The following LRP1B variants were observed in gnomAD, a reference collection of about 807,000 sequenced individuals.
LRP1B encodes low-density lipoprotein receptor-related protein 1B.
Under a neutral mutation model 556.6 loss-of-function variants are expected in LRP1B, and 217 were observed. The observed-to-expected ratio is 0.39, with a 90% CI of 0.35 to 0.44. The LOEUF (loss-of-function observed/expected upper bound fraction) is 0.44, where lower values mean the gene tolerates loss of function less well. Among genes scored for constraint, LRP1B ranks in the 20% least tolerant of loss-of-function variants. LRP1B has a pLI of 1.00. For missense variants in LRP1B, 5,053 were observed against 5,620.8 expected (o/e 0.90, Z 3.23); for synonymous variants, 2,047 against 1,865.8 (o/e 1.10, Z -2.50).
chr2:142,029,048 CTCA>C (rs1703601297), intron 1 of LRP1B, among the ~76,000 whole-genome samples: 1 of 151,828 alleles, frequency 6.6e-6, no homozygotes, highest in Admixed American at 6.6e-5. Flanking sequence ...CATTCCCTTA[CTCA>C]TCATTCTCAT....
At position 140,466,082 on chromosome 2, in the gene LRP1B, G is replaced by A. The variant is rs1327659927; in HGVS notation, c.9626-8431C>T. Among the ~76,000 whole-genome samples, 5 of 150,604 alleles carry A rather than the reference G, an allele frequency of 3.3e-5. 1 individual carries two copies. The highest frequency in any genetic ancestry group is 9.7e-5 in the African/African-American group (4 of 41,138). ...AGAATATTATAAAATAGTGCAGGTC[G>A]GGGGGTGGGAAGTATTATTTCAATT... On this transcript the variant is annotated intron_variant, in intron 60 of 90. Coordinates refer to ENST00000389484, the MANE Select transcript of LRP1B (RefSeq NM_018557.3).
chr2:141,679,778 A>G (rs1307460960), intron 2 of LRP1B, among the ~76,000 whole-genome samples: 1 of 152,110 alleles, frequency 6.6e-6, no homozygotes, highest in African/African-American at 2.4e-5. Context: ...ATCTGCATGT[A>G]TTAACATAAA....
intron 22 of LRP1B, 60 bp downstream of exon 22, chr2:140,907,817 C>A: frequency 7.1e-7 from 1 of 1,410,472 alleles, no homozygotes; most frequent in Middle Eastern, 1.8e-4. Flanking sequence ...TAAGTAACAG[C>A]AACTGAACTA....
chr2:141,659,218 C>A (rs372202718), intron 2 of LRP1B, among the ~76,000 whole-genome samples: 1 of 152,056 alleles, frequency 6.6e-6, no homozygotes. Context: ...ACTATTTATG[C>A]GAGAGCAGGC....
intron 1 of LRP1B, among the ~76,000 whole-genome samples, chr2:142,089,482 A>G (rs1706078244): frequency 6.6e-6 from 1 of 152,208 alleles, no homozygotes; most frequent in African/African-American, 2.4e-5. Context: ...AAAAATTAGC[A>G]TGTGGGAATA....
intron 7 of LRP1B, among the ~76,000 whole-genome samples, chr2:141,183,737 TC>T (rs1170088529): frequency 1.3e-5 from 2 of 152,026 alleles, no homozygotes; most frequent in Admixed American, 6.6e-5. Flanking sequence ...ACATAGGAGA[TC>T]TTCCCCCTCC....
intron 2 of LRP1B, among the ~76,000 whole-genome samples, chr2:141,635,016 A>AC (rs1009101446): frequency 6.8e-5 from 10 of 147,552 alleles, no homozygotes; most frequent in Non-Finnish European, 1.2e-4. Context: ...TTTGGATTTG[A>AC]CCGCATAACA....
At chr2:140,273,633 C>A (rs1010308264) in intron 85 of LRP1B, among the ~76,000 whole-genome samples, 1 of 151,982 alleles carries the variant, frequency 6.6e-6, no homozygotes, top group Non-Finnish European at 1.5e-5. Context: ...TTATGGCATG[C>A]TTTCCTGTCT....
At chr2:140,532,672 G>C (rs537446613) in intron 47 of LRP1B, among the ~76,000 whole-genome samples, 1 of 152,086 alleles carries the variant, frequency 6.6e-6, no homozygotes, top group South Asian at 2.1e-4. Flanking sequence ...TGGGATTACA[G>C]GCATGAGCCA....
chr2:141,535,762 C>A (rs898891138), intron 2 of LRP1B, among the ~76,000 whole-genome samples: 6 of 152,018 alleles, frequency 3.9e-5, no homozygotes, highest in African/African-American at 1.4e-4. Context: ...TCATGATGGT[C>A]CCATGGCCTA....
intron 7 of LRP1B, among the ~76,000 whole-genome samples, chr2:141,125,855 A>AAAAAC (rs1553463702): frequency 2.7e-5 from 4 of 149,752 alleles, no homozygotes; most frequent in South Asian, 2.1e-4. Flanking sequence ...AAAAAAAAAA[A>AAAAAC]AAAAAACAAA....
chr2:141,229,229 T>G lies in LRP1B; in HGVS notation c.804A>C (p.Gly268=). 6.2e-7 allele frequency: 1 copy of G among 1,613,304 alleles called. No individual in the cohort carries two copies. Among genetic ancestry groups the G allele is most frequent in the South Asian group, 1.1e-5 (1 of 91,024 alleles). ...QLKCIQITKA[G]GLTDEWTINI... is the part of the protein sequence containing the mutation. ...TGATTGTCCATTCATCTGTTAATCC[T>G]CCTGCTTTTGTTATCTGGATACATT... Residue 268 remains glycine (G), a synonymous_variant, in exon 6 of 91, where the codon GGA becomes GGC. Transcript: ENST00000389484.
At chr2:141,833,429 G>C (rs1294176867) in intron 1 of LRP1B, among the ~76,000 whole-genome samples, 1 of 151,822 alleles carries the variant, frequency 6.6e-6, no homozygotes, top group East Asian at 1.9e-4. Flanking sequence ...TGTACTTGGG[G>C]CTCATGAGGA....
At chr2:141,983,340 T>C (rs995089748) in intron 1 of LRP1B, among the ~76,000 whole-genome samples, 3 of 152,208 alleles carry the variant, frequency 2.0e-5, no homozygotes, top group Non-Finnish European at 4.4e-5. Flanking sequence ...GTCGTTACTA[T>C]TTTTAATCCC....
chr2:140,888,160 C>T (rs539229483), intron 23 of LRP1B, among the ~76,000 whole-genome samples: 2 of 152,098 alleles, frequency 1.3e-5, no homozygotes, highest in Non-Finnish European at 2.9e-5. Flanking sequence ...ATTTTTTACT[C>T]ATTTAGAGTC....
chr2:141,615,526 C>T (rs1443325354), intron 2 of LRP1B, among the ~76,000 whole-genome samples: 1 of 151,456 alleles, frequency 6.6e-6, no homozygotes, highest in South Asian at 2.1e-4. Context: ...AATTTTTATG[C>T]CTAAATTTTC....
At chr2:140,372,473 T>G (rs1683039419) in intron 69 of LRP1B, among the ~76,000 whole-genome samples, 1 of 152,066 alleles carries the variant, frequency 6.6e-6, no homozygotes, top group Admixed American at 6.6e-5. Flanking sequence ...AATTAAAAAA[T>G]GAAGTGTTTT....
chr2:142,048,664 G>A (rs922205454), intron 1 of LRP1B, among the ~76,000 whole-genome samples: 3 of 151,960 alleles, frequency 2.0e-5, no homozygotes, highest in African/African-American at 7.2e-5. Flanking sequence ...TGTAAAAATT[G>A]CATTTTATAG....
intron 41 of LRP1B, among the ~76,000 whole-genome samples, chr2:140,626,924 A>C (rs1683685035): frequency 6.6e-6 from 1 of 152,162 alleles, no homozygotes; most frequent in South Asian, 2.1e-4. Context: ...CTGAAGAACA[A>C]CCATGTTCTG....
Sources: allele counts gnomAD v4.1 joint callset (sites outside exome capture counted in the v4.1 genomes callset), GRCh38; gene constraint gnomAD v4.1.1; transcripts MANE v1.5; gene names NCBI Gene and HGNC (gene_info 2026-07-23, HGNC 2026-07-21).